The following GRK4 variants were observed in gnomAD, a reference collection of about 807,000 sequenced individuals.
GRK4 encodes the protein G protein-coupled receptor kinase 4, also known as G protein-coupled receptor kinase 2-like.
In GRK4, 73 loss-of-function variants were observed where a neutral mutation model predicts 77.9. The observed-to-expected ratio is 0.94, with a 90% CI of 0.78 to 1.14. The LOEUF (loss-of-function observed/expected upper bound fraction) is 1.14. Ranked by LOEUF, GRK4 falls within the 50% of genes most tolerant of loss-of-function variation. The probability of loss-of-function intolerance (pLI) is 0.00; values close to 1 mark genes in which losing one functional copy is unlikely to be tolerated. For missense variants in GRK4, 729 were observed against 700.2 expected, an observed-to-expected ratio of 1.04 and a Z score of -0.46; for synonymous variants, 257 against 254.4, an observed-to-expected ratio of 1.01 and a Z score of -0.10.
At chr4:2,991,157 G>T (rs1726047428) in intron 3 of GRK4, among the ~76,000 whole-genome samples, 1 of 152,166 alleles carries the variant, frequency 6.6e-6, no homozygotes, top group Non-Finnish European at 1.5e-5. Flanking sequence ...AAATCTGTAG[G>T]GCGGACCGTC....
chr4:3,002,798 G>T (rs1329732434), intron 4 of GRK4, among the ~76,000 whole-genome samples: 1 of 152,102 alleles, frequency 6.6e-6, no homozygotes, highest in Non-Finnish European at 1.5e-5. Flanking sequence ...GGTGGAGGCT[G>T]CAATGAGCCG....
chr4:2,985,984 C>CAAAAAAA (rs1181104072), intron 2 of GRK4, among the ~76,000 whole-genome samples: 4 of 91,682 alleles, frequency 4.4e-5, no homozygotes, highest in Non-Finnish European at 4.5e-5. Flanking sequence ...GACTCCGTCT[C>CAAAAAAA]AAAAAAAAAA....
chr4:2,984,556 G>A lies in GRK4; in HGVS notation c.96G>A (p.Glu32=). ...KKSGRSKKWK[E]ILTLPPVSQC... ...GTGGTCGTAGTAAAAAATGGAAGGA[G>A]ATACTGACACTGCCTCCTGTCAGCC... Residue 32 remains glutamate, a synonymous_variant, in exon 2 of 16, where the codon GAG becomes GAA. Coordinates refer to ENST00000398052, the MANE Select transcript of GRK4 (RefSeq NM_182982.3). 6.2e-7 allele frequency: 1 copy of A among 1,613,376 alleles called. No individual in the cohort carries two copies. Among genetic ancestry groups the A allele is most frequent in the Admixed American group, 1.7e-5 (1 of 59,902 alleles).
chr4:3,019,752 G>C lies in GRK4; in HGVS notation c.853G>C (p.Asp285His). 6.2e-7 allele frequency: 1 copy of C among 1,614,212 alleles called. No individual in the cohort carries two copies. Reference sequence around the variant, plus strand: ...TTACAACCTGGGCAATCCCGGCTTTGATGAGCAGAGAGCCGTTTTCTATGC... The same window carrying C: ...TTACAACCTGGGCAATCCCGGCTTTCATGAGCAGAGAGCCGTTTTCTATGC... The part of the protein sequence containing the change: ...HIYNLGNPGF[D>H]EQRAVFYAAE... The change falls in exon 9 of 16, where the codon GAT becomes CAT. Residue 285 changes from aspartate (D) to histidine (H), a missense_variant. Asp to His is a moderately conservative substitution (Grantham distance 81, BLOSUM62 -1). Coordinates refer to ENST00000398052, the MANE Select transcript of GRK4 (RefSeq NM_182982.3).
intron 10 of GRK4, among the ~76,000 whole-genome samples, chr4:3,024,034 T>C (rs1222546905): frequency 6.6e-6 from 1 of 152,122 alleles, no homozygotes; most frequent in African/African-American, 2.4e-5. Flanking sequence ...CTCTCTTCTT[T>C]AGAACTTTAC....
chr4:3,022,899 A>G (rs566832997), intron 10 of GRK4, among the ~76,000 whole-genome samples: 2 of 152,180 alleles, frequency 1.3e-5, no homozygotes, highest in African/African-American at 2.4e-5. Flanking sequence ...TATGTTGCCC[A>G]GGCTGTTCTC....
At chr4:3,028,063 AC>A (rs1171836533) in intron 11 of GRK4, 62 bp downstream of exon 11, 24 of 1,448,550 alleles carry the variant, frequency 1.7e-5, no homozygotes, top group Admixed American at 3.3e-5. Flanking sequence ...GCCTCAGAAC[AC>A]AGAGAAATCC....
intron 10 of GRK4, among the ~76,000 whole-genome samples, chr4:3,026,923 C>T (rs777912069): frequency 6.6e-6 from 1 of 152,226 alleles, no homozygotes; most frequent in African/African-American, 2.4e-5. Flanking sequence ...TTATTGAGCA[C>T]CTACTGTAGG....
intron 13 of GRK4, among the ~76,000 whole-genome samples, chr4:3,036,732 C>A (rs894647762): frequency 1.3e-5 from 2 of 152,196 alleles, no homozygotes; most frequent in Non-Finnish European, 2.9e-5. Flanking sequence ...ATTCAGGGAG[C>A]TGAGCGGAGG....
rs529790829 is a variant in GRK4, at chr4:3,035,548, G to A, written c.1407+25G>A. 3.6e-5 allele frequency: 58 copies of A among 1,603,490 alleles called. No homozygotes were observed. The East Asian group carries it at 1.3e-3, about 36-fold the overall frequency. On this transcript the variant is annotated intron_variant, in intron 13 of 15. Transcript: ENST00000398052. ...TGTAAGTGCATTGCCAGGACGAGCA[G>A]GGCCCTAGGAACAGTGATCCGCACA... is the stretch of plus-strand genomic sequence containing the variant.
chr4:3,037,041 A>AGG (rs1740849808), intron 13 of GRK4, among the ~76,000 whole-genome samples: 1 of 86,876 alleles, frequency 1.2e-5, no homozygotes, highest in African/African-American at 5.3e-5. Flanking sequence ...TGGCCTCAGG[A>AGG]GGGGTGTGTG....
chr4:2,970,952 G>C (rs1719388509), intron 1 of GRK4: 1 of 152,040 alleles, frequency 6.6e-6, no homozygotes, highest in Non-Finnish European at 1.5e-5. Context: ...TTACAGGTGT[G>C]AGCCACCGCG....
chr4:3,035,317 A>G, intron 12 of GRK4, 69 bp from the exon 13 acceptor site: 1 of 1,488,976 alleles, frequency 6.7e-7, no homozygotes, highest in Non-Finnish European at 9.4e-7. Flanking sequence ...GGTTATTATT[A>G]TGCAGGGGAG....
Position 2,996,222 on chromosome 4 carries a change from G to C in GRK4, c.339+3930G>C, listed in dbSNP as rs78913435. Reference sequence around the variant, plus strand: ...GGCAAACCTACTCCAGGGATAACAAGATAAGGGCACTAGTCCCTTCATGAA... The same window carrying C: ...GGCAAACCTACTCCAGGGATAACAACATAAGGGCACTAGTCCCTTCATGAA... On this transcript the variant is annotated intron_variant, in intron 4 of 15. Coordinates refer to ENST00000398052, the MANE Select transcript of GRK4 (RefSeq NM_182982.3). Among the ~76,000 whole-genome samples, 50 of 152,314 alleles carry C rather than the reference G, an allele frequency of 3.3e-4. 1 individual carries two copies. In the East Asian group the frequency reaches 9.1e-3, roughly 28 times the overall value.
intron 15 of GRK4, among the ~76,000 whole-genome samples, chr4:3,039,778 T>A (rs1020660172): frequency 6.6e-6 from 1 of 151,972 alleles, no homozygotes; most frequent in Non-Finnish European, 1.5e-5. Context: ...ATGGCTGTCT[T>A]TCCTCTGAGA....
chr4:2,979,450 C>T (rs534549829), intron 1 of GRK4, among the ~76,000 whole-genome samples: 20 of 150,240 alleles, frequency 1.3e-4, no homozygotes, highest in African/African-American at 4.2e-4. Flanking sequence ...CGGTGGCTCA[C>T]GCCTGTAATC....
chr4:3,038,196 T>C (rs1330293003), intron 14 of GRK4, among the ~76,000 whole-genome samples, 180 bp from the exon 15 acceptor site: 2 of 152,178 alleles, frequency 1.3e-5, no homozygotes, highest in African/African-American at 4.8e-5. Flanking sequence ...ACCACATTAC[T>C]TATTCCAAGA....
rs1480744120 is a variant in GRK4 at position 3,019,741 on chromosome 4, A to G, written c.842A>G (p.Asn281Ser). Residue 281 changes from asparagine (N) to serine (S), a missense_variant, in exon 9 of 16, where the codon AAT becomes AGT. Coordinates refer to ENST00000398052, the MANE Select transcript of GRK4 (RefSeq NM_182982.3). The stretch of plus-strand genomic sequence containing the variant: ...AAGTTTCACATTTACAACCTGGGCA[A>G]TCCCGGCTTTGATGAGCAGAGAGCC... ...DLKFHIYNLG[N>S]PGFDEQRAVF... 1 of 1,614,110 alleles carries G rather than the reference A, an allele frequency of 6.2e-7. No individual in the cohort carries two copies. Among genetic ancestry groups the G allele is most frequent in the African/African-American group, 1.3e-5 (1 of 74,930 alleles).
At chr4:3,037,561 AG>A in intron 14 of GRK4, 50 bp downstream of exon 14, 1 of 1,553,898 alleles carries the variant, frequency 6.4e-7, no homozygotes, top group Non-Finnish European at 8.8e-7. Flanking sequence ...ACAGTGACCC[AG>A]GGAAAAGGGT....
Sources: allele counts gnomAD v4.1 joint callset (sites outside exome capture counted in the v4.1 genomes callset), GRCh38; gene constraint gnomAD v4.1.1; transcripts MANE v1.5; gene names NCBI Gene and HGNC (gene_info 2026-07-23, HGNC 2026-07-21).